CD226: variants seen among roughly 807,000 people sequenced by gnomAD.
CD226 encodes the protein CD226 antigen.
In CD226, 24 loss-of-function variants were observed where a neutral mutation model predicts 34.9. That is an observed-to-expected ratio of 0.69 (90% CI 0.50 to 0.97). The LOEUF is 0.97. Among genes scored for constraint, CD226 ranks in the 50% least tolerant of loss-of-function variants. CD226 has a pLI of 0.00. For missense variants in CD226, 397 were observed against 412.7 expected (o/e 0.96, Z 0.33); for synonymous variants, 148 against 147.4 (o/e 1.00, Z -0.03).
At chr18:69,888,195 G>T (rs778761866) in intron 3 of CD226, among the ~76,000 whole-genome samples, 1 of 152,096 alleles carries the variant, frequency 6.6e-6, no homozygotes, top group Non-Finnish European at 1.5e-5. Flanking sequence ...TACATTTTAA[G>T]TAATTTTCTA....
intron 5 of CD226, among the ~76,000 whole-genome samples, chr18:69,866,974 C>A (rs900584021): frequency 6.6e-6 from 1 of 152,154 alleles, no homozygotes; most frequent in Non-Finnish European, 1.5e-5. Flanking sequence ...ACCAGTACTT[C>A]TGACACTGTT....
At chr18:69,932,425 CAA>C (rs1320533542) in intron 2 of CD226, among the ~76,000 whole-genome samples, 1 of 152,156 alleles carries the variant, frequency 6.6e-6, no homozygotes, top group East Asian at 1.9e-4. Context: ...CATGCAGTTC[CAA>C]ATCAAGTGTT....
chr18:69,896,073 A>T (rs1630425), intron 2 of CD226, 28 bp from the exon 3 acceptor site: 1 of 1,588,302 alleles, frequency 6.3e-7, no homozygotes, highest in South Asian at 1.1e-5. Context: ...ATGATTAGAT[A>T]CAGGTTGTCA....
intron 3 of CD226, among the ~76,000 whole-genome samples, chr18:69,885,167 G>A (rs188260362): frequency 6.6e-6 from 1 of 152,192 alleles, no homozygotes; most frequent in South Asian, 2.1e-4. Context: ...TAAACAACCT[G>A]GTGTCTGCAG....
intron 2 of CD226, among the ~76,000 whole-genome samples, chr18:69,935,526 T>A (rs1286058154): frequency 2.6e-5 from 4 of 152,324 alleles, no homozygotes; most frequent in African/African-American, 9.6e-5. Context: ...CTCTTACTCA[T>A]GTGTGAGGCC....
At chr18:69,926,501 T>A (rs912470197) in intron 2 of CD226, among the ~76,000 whole-genome samples, 2 of 152,260 alleles carry the variant, frequency 1.3e-5, no homozygotes, top group East Asian at 3.9e-4. Flanking sequence ...TACTTACATA[T>A]GATAGGGAGG....
chr18:69,857,636 C>T lies in CD226; in HGVS notation c.*6678G>A, dbSNP rs887722058. 5.3e-5 allele frequency: 8 copies of T among 152,176 alleles called. No individual in the cohort carries two copies. The highest frequency in any genetic ancestry group is 1.0e-4 in the Non-Finnish European group (7 of 68,026). 9.4% of individuals were successfully genotyped at this position (152,176 alleles called of 1,614,324 possible). A position where few individuals can be genotyped will look rare whatever the true frequency, so the allele number is the denominator to read the frequency against. On this transcript the variant is annotated 3_prime_UTR_variant, in exon 6 of 6. Coordinates refer to ENST00000582621, the MANE Select transcript of CD226 (RefSeq NM_001303618.2). ...AGAAAGTAAGTTATCATAGCTTCTT[C>T]TCAAGTTTTATTTTTATGTCTTACA...
Position 69,926,036 on chromosome 18 carries a change from G to A in CD226, c.382+20698C>T, listed in dbSNP as rs147655019. Among the ~76,000 whole-genome samples, 11 of 152,152 alleles carry A rather than the reference G, an allele frequency of 7.2e-5. 1 individual carries two copies. The highest frequency in any genetic ancestry group is 1.9e-4 in the East Asian group (1 of 5,146). On this transcript the variant is annotated intron_variant, in intron 2 of 5. Transcript: ENST00000582621. ...CGCACAACTGCAATCCAAGCTACTC[G>A]GGAGGCTGAGGAAGGAGAATCACTG...
chr18:69,870,854 T>C (rs534673857), intron 4 of CD226, among the ~76,000 whole-genome samples: 1 of 152,276 alleles, frequency 6.6e-6, no homozygotes, highest in African/African-American at 2.4e-5. Context: ...CAGAAGGTCA[T>C]TGTTGGAGCC....
In CD226 at chr18:69,900,605, G is replaced by A. The variant is rs369572170; in HGVS notation, c.383-4560C>T. ...AAATTAGCCGGGCGCGGTGGCGGGC[G>A]CCTGTAGTCCCAGCTACTCGGGAGG... On this transcript the variant is annotated intron_variant, in intron 2 of 5. Coordinates refer to ENST00000582621, the MANE Select transcript of CD226 (RefSeq NM_001303618.2). Among the ~76,000 whole-genome samples, 9 of 150,852 alleles carry A rather than the reference G, an allele frequency of 6.0e-5. No individual in the cohort carries two copies. In the East Asian group the frequency reaches 1.7e-3, roughly 29 times the overall value.
At chr18:69,902,311 C>G (rs12957699) in intron 2 of CD226, among the ~76,000 whole-genome samples, 112,711 of 151,788 alleles carry the variant, frequency 0.74, 46,586 homozygotes, top group East Asian at 0.96. Flanking sequence ...ATTCAAAATT[C>G]CAGGAGTGGG....
chr18:69,869,453 T>C (rs1983365797), intron 4 of CD226, among the ~76,000 whole-genome samples: 3 of 152,050 alleles, frequency 2.0e-5, no homozygotes, highest in Admixed American at 2.0e-4. Context: ...AGCTAAATGA[T>C]GAGAACACAT....
intron 4 of CD226, among the ~76,000 whole-genome samples, chr18:69,872,109 C>T (rs1021178226): frequency 1.6e-4 from 23 of 144,430 alleles, no homozygotes; most frequent in African/African-American, 5.5e-4. Context: ...GGTAACATTA[C>T]TGAAGGAGAG....
chr18:69,875,071 C>T (rs1983779487), intron 3 of CD226, among the ~76,000 whole-genome samples: 1 of 152,142 alleles, frequency 6.6e-6, no homozygotes, highest in African/African-American at 2.4e-5. Context: ...AGATACTGAC[C>T]TCATTTCCTT....
At chr18:69,933,486 A>G (rs944757011) in intron 2 of CD226, among the ~76,000 whole-genome samples, 2 of 152,214 alleles carry the variant, frequency 1.3e-5, no homozygotes, top group African/African-American at 4.8e-5. Flanking sequence ...TCCCCAAACC[A>G]GAAGTAACCT....
chr18:69,902,672 C>T (rs994546097), intron 2 of CD226, among the ~76,000 whole-genome samples: 1 of 151,832 alleles, frequency 6.6e-6, no homozygotes, highest in Non-Finnish European at 1.5e-5. Flanking sequence ...CTCTTAGGTG[C>T]AGATCAAGTG....
Position 69,946,924 on chromosome 18 carries a change from G to T in CD226, c.192C>A (p.Ser64Arg). The change falls in exon 2 of 6, where the codon AGC becomes AGA. Residue 64 changes from serine (S) to arginine (R), a missense_variant. Coordinates refer to ENST00000582621, the MANE Select transcript of CD226 (RefSeq NM_001303618.2). Reference protein sequence around the residue: ...GTQQDSIAIFSPTHGMVIRKP... With the variant: ...GTQQDSIAIFRPTHGMVIRKP... Reference sequence around the variant, plus strand: ...TCCTTATGACCATGCCATGAGTAGGGCTGAAAATGGCTATGGAATCCTGCT... The same window carrying T: ...TCCTTATGACCATGCCATGAGTAGGTCTGAAAATGGCTATGGAATCCTGCT... 1 of 1,614,124 alleles carries T rather than the reference G, an allele frequency of 6.2e-7. No homozygotes were observed. The highest frequency in any genetic ancestry group is 8.5e-7 in the Non-Finnish European group (1 of 1,180,012).
intron 2 of CD226, among the ~76,000 whole-genome samples, chr18:69,920,494 C>T (rs1318803675): frequency 6.6e-6 from 1 of 152,186 alleles, no homozygotes; most frequent in East Asian, 1.9e-4. Context: ...CTTGACACTT[C>T]TCCTTTTTAC....
chr18:69,857,633 C>A lies in CD226; in HGVS notation c.*6681G>T, dbSNP rs1982649857. The stretch of plus-strand genomic sequence containing the variant: ...TGAAGAAAGTAAGTTATCATAGCTT[C>A]TTCTCAAGTTTTATTTTTATGTCTT... On this transcript the variant is annotated 3_prime_UTR_variant, in exon 6 of 6. Coordinates refer to ENST00000582621, the MANE Select transcript of CD226 (RefSeq NM_001303618.2). 6.6e-6 allele frequency: 1 copy of A among 152,186 alleles called. No individual in the cohort carries two copies. Among genetic ancestry groups the A allele is most frequent in the Admixed American group, 6.5e-5 (1 of 15,284 alleles). The allele number at this position is 152,186 out of a possible 1,614,324, so 9.4% of individuals were successfully genotyped here.
Sources: gnomAD v4.1 joint callset for allele counts (sites outside exome capture counted in the v4.1 genomes callset) on GRCh38, gnomAD v4.1.1 for gene constraint, MANE v1.5 for transcripts, NCBI Gene and HGNC (gene_info 2026-07-23, HGNC 2026-07-21) for gene names.